Variants in POFUT3 observed in about 807,000 individuals in gnomAD.
POFUT3 encodes the protein protein O-fucosyltransferase 3.
At chr8:33,468,162 C>G in the POFUT3 span, among the ~76,000 whole-genome samples, 1 of 151,748 alleles carries the variant, frequency 6.6e-6, no homozygotes, top group Admixed American at 6.6e-5. Flanking sequence ...ATCCCTTGAA[C>G]CTGGGAGGCA....
chr8:33,365,500 A>C, the POFUT3 span, among the ~76,000 whole-genome samples: 1 of 152,262 alleles, frequency 6.6e-6, no homozygotes, highest in Non-Finnish European at 1.5e-5. Context: ...AAATTTTTGC[A>C]ATCTACCCTT....
chr8:33,429,473 T>C, the POFUT3 span, among the ~76,000 whole-genome samples: 6 of 152,200 alleles, frequency 3.9e-5, no homozygotes, highest in East Asian at 1.2e-3. Context: ...CAACTTTGGC[T>C]TCTTTCTTCC....
chr8:33,365,288 C>T, the POFUT3 span, among the ~76,000 whole-genome samples: 2 of 152,126 alleles, frequency 1.3e-5, no homozygotes, highest in Non-Finnish European at 2.9e-5. Context: ...AAATGTTAGA[C>T]CTAAAACCAT....
At chr8:33,321,592 T>C in the POFUT3 span, among the ~76,000 whole-genome samples, 1 of 152,212 alleles carries the variant, frequency 6.6e-6, no homozygotes, top group Non-Finnish European at 1.5e-5. Context: ...CCATCTCTTC[T>C]GGCATATTAT....
chr8:33,422,545 CAAAAAAAAA>C, the POFUT3 span, among the ~76,000 whole-genome samples: 218 of 37,138 alleles, frequency 5.9e-3, 2 homozygotes, highest in African/African-American at 0.017. Context: ...AACTCTGTCT[CAAAAAAAAA>C]AAAAAAAAAA....
At chr8:33,429,174 T>C in the POFUT3 span, among the ~76,000 whole-genome samples, 12 of 152,178 alleles carry the variant, frequency 7.9e-5, no homozygotes, top group African/African-American at 2.9e-4. Context: ...AGATATTAAG[T>C]AATGATGCCA....
chr8:33,308,668 G>A, the POFUT3 span, among the ~76,000 whole-genome samples: 38 of 152,144 alleles, frequency 2.5e-4, no homozygotes, highest in African/African-American at 8.9e-4. Context: ...GGAGAAATCT[G>A]TATTTCAATC....
At chr8:33,333,813 A>G in the POFUT3 span, among the ~76,000 whole-genome samples, 1 of 152,164 alleles carries the variant, frequency 6.6e-6, no homozygotes, top group African/African-American at 2.4e-5. Context: ...TAAGCAATAG[A>G]ATGACAATCA....
At chr8:33,424,837 C>T in the POFUT3 span, among the ~76,000 whole-genome samples, 4 of 152,100 alleles carry the variant, frequency 2.6e-5, no homozygotes, top group Non-Finnish European at 4.4e-5. Flanking sequence ...CTGCTCTTGC[C>T]GCAAAAATCT....
At chr8:33,403,014 T>C in the POFUT3 span, among the ~76,000 whole-genome samples, 3 of 151,688 alleles carry the variant, frequency 2.0e-5, no homozygotes, top group Non-Finnish European at 4.4e-5. Flanking sequence ...TGAGCCGAGA[T>C]CGCACCCCTG....
the POFUT3 span, among the ~76,000 whole-genome samples, chr8:33,469,546 T>C: frequency 6.6e-6 from 1 of 152,114 alleles, no homozygotes; most frequent in Non-Finnish European, 1.5e-5. Flanking sequence ...TGGTGATTAA[T>C]GGGGAAAGAG....
At chr8:33,334,164 C>T in the POFUT3 span, among the ~76,000 whole-genome samples, 3 of 152,100 alleles carry the variant, frequency 2.0e-5, no homozygotes, top group Admixed American at 2.0e-4. Flanking sequence ...ACTAGTGCTT[C>T]TCACACTTAC....
chr8:33,450,770 T>C, the POFUT3 span, among the ~76,000 whole-genome samples: 2 of 152,194 alleles, frequency 1.3e-5, no homozygotes, highest in Non-Finnish European at 2.9e-5. Context: ...CCTTGGAATT[T>C]GGTTGGAGAT....
chr8:33,372,613 T>A, the POFUT3 span: 1 of 1,614,016 alleles, frequency 6.2e-7, no homozygotes, highest in East Asian at 2.2e-5. Context: ...ACTCTTGAGA[T>A]GAAAAGTTTT....
the POFUT3 span, among the ~76,000 whole-genome samples, chr8:33,445,226 G>A: frequency 5.3e-5 from 8 of 151,922 alleles, no homozygotes; most frequent in Non-Finnish European, 1.0e-4. Context: ...GAGCCATTGC[G>A]CCTAGCCATG....
chr8:33,461,841 G>A, the POFUT3 span: 2 of 377,000 alleles, frequency 5.3e-6, no homozygotes, highest in Non-Finnish European at 1.0e-5. Context: ...TTGAGATCAT[G>A]TAGTCCTAGT....
the POFUT3 span, among the ~76,000 whole-genome samples, chr8:33,433,436 C>A: frequency 3.3e-5 from 5 of 151,754 alleles, no homozygotes; most frequent in Admixed American, 2.6e-4. Context: ...CACGGTGAAA[C>A]CCCGTCTCTA....
the POFUT3 span, among the ~76,000 whole-genome samples, chr8:33,409,632 G>A: frequency 1.3e-5 from 2 of 152,138 alleles, no homozygotes; most frequent in Non-Finnish European, 2.9e-5. Flanking sequence ...CTGGCCGGGC[G>A]CAGTGACTCA....
chr8:33,389,971 G>T, the POFUT3 span, among the ~76,000 whole-genome samples: 2 of 152,178 alleles, frequency 1.3e-5, no homozygotes, highest in African/African-American at 4.8e-5. Flanking sequence ...AAGGCAGGTG[G>T]ATCACTTGAG....
Sources: allele counts gnomAD v4.1 joint callset (sites outside exome capture counted in the v4.1 genomes callset), GRCh38; gene constraint gnomAD v4.1.1; transcripts MANE v1.5; gene names NCBI Gene and HGNC (gene_info 2026-07-23, HGNC 2026-07-21).